PES1: variants seen among roughly 807,000 people sequenced by gnomAD.
The protein encoded by PES1 is pescadillo homolog.
PES1 carries 31 observed loss-of-function variants against 77.1 expected under a neutral mutation model. The ratio of observed to expected loss-of-function variants is 0.40; its 90% confidence interval spans 0.30 to 0.54. The LOEUF (loss-of-function observed/expected upper bound fraction) is 0.54. Ranked by LOEUF, PES1 falls within the 20% of genes least tolerant of loss-of-function variation. PES1 has a pLI of 0.45. For synonymous variants in PES1, 282 were observed against 303.0 expected (o/e 0.93, Z 0.72); for missense variants, 658 against 771.7 (o/e 0.85, Z 1.75).
chr22:30,594,830 A>T (rs1813025407), upstream of PES1, among the ~76,000 whole-genome samples: 1 of 152,130 alleles, frequency 6.6e-6, no homozygotes, highest in Admixed American at 6.5e-5. Context: ...ATTTTTAATT[A>T]GCTGGTGTGG....
chr22:30,598,462 C>CT (rs2087300422), intron 2 of PES1: 3 of 152,270 alleles, frequency 2.0e-5, no homozygotes, highest in Admixed American at 2.0e-4. Context: ...TTTTTTCACT[C>CT]TGTTTAGTAG....
In PES1 at chr22:30,576,874, A is replaced by G. The variant is rs1234119134; in HGVS notation, c.*172T>C. 1.6e-6 allele frequency: 1 copy of G among 622,140 alleles called. No individual in the cohort carries two copies. The highest frequency in any genetic ancestry group is 2.9e-6 in the Non-Finnish European group (1 of 348,158). 38.5% of individuals were successfully genotyped at this position (622,140 alleles called of 1,614,324 possible). On this transcript the variant is annotated 3_prime_UTR_variant, in exon 15 of 15. Transcript: ENST00000354694. Reference sequence around the variant, plus strand: ...GGCACCAGCAGGGCAGCTCCATCCAAGGGAAGCGAGGGCTGCCCACTGGCC... The same window carrying G: ...GGCACCAGCAGGGCAGCTCCATCCAGGGGAAGCGAGGGCTGCCCACTGGCC...
intron 4 of PES1, chr22:30,587,039 G>C: frequency 2.1e-6 from 1 of 480,438 alleles, no homozygotes; most frequent in East Asian, 3.9e-5. Flanking sequence ...CATGGCCTCT[G>C]CTTGGATTGT....
At chr22:30,585,148 G>A in intron 4 of PES1, 1 of 416,092 alleles carries the variant, frequency 2.4e-6, no homozygotes, top group Non-Finnish European at 5.0e-6. Flanking sequence ...CGGGGTGGGG[G>A]CTGCTTCCCC....
intron 5 of PES1, 33 bp from the exon 6 acceptor site, chr22:30,584,487 C>G (rs762504616): frequency 3.1e-6 from 5 of 1,609,706 alleles, no homozygotes; most frequent in Non-Finnish European, 4.2e-6. Flanking sequence ...TGGGTGAAGA[C>G]CATGGGGTGG....
upstream of PES1, among the ~76,000 whole-genome samples, chr22:30,595,239 G>A (rs974855753): frequency 5.9e-5 from 9 of 151,910 alleles, no homozygotes; most frequent in African/African-American, 2.2e-4. Context: ...CCTGCTTGAG[G>A]TTAAAGAACT....
At chr22:30,580,930 T>G (rs1340009698) in intron 9 of PES1, 82 bp downstream of exon 9, 1 of 1,268,562 alleles carries the variant, frequency 7.9e-7, no homozygotes, top group Non-Finnish European at 1.1e-6. Flanking sequence ...CACCTAATTA[T>G]AGGATGCAAA....
At chr22:30,606,940 G>A (rs1355389691) in exon 1 of PES1, 3 of 1,015,188 alleles carry the variant, frequency 3.0e-6, no homozygotes, top group Non-Finnish European at 3.7e-6. Context: ...CAGCTGGGGG[G>A]ACAGCAGACA....
At chr22:30,583,438 C>T (rs1038820718) in intron 6 of PES1, among the ~76,000 whole-genome samples, 10 of 152,206 alleles carry the variant, frequency 6.6e-5, no homozygotes, top group South Asian at 2.1e-4. Flanking sequence ...CTAACTGGAC[C>T]GGCAGCGGCT....
chr22:30,588,351 G>C (rs759330417), intron 2 of PES1, among the ~76,000 whole-genome samples, 177 bp from the exon 3 acceptor site: 1 of 152,146 alleles, frequency 6.6e-6, no homozygotes, highest in Admixed American at 6.5e-5. Flanking sequence ...ACGCAGACTT[G>C]CGAGTCTCTA....
intron 1 of PES1, chr22:30,606,806 C>T: frequency 1.0e-6 from 1 of 993,898 alleles, no homozygotes; most frequent in Non-Finnish European, 1.2e-6. Context: ...CAATGCTGCT[C>T]ACGTGACCAC....
At position 30,576,866 on chromosome 22, in the gene PES1, T is replaced by C; in HGVS notation, c.*180A>G. 1.6e-6 allele frequency: 1 copy of C among 612,304 alleles called. No individual in the cohort carries two copies. The highest frequency in any genetic ancestry group is 1.9e-5 in the South Asian group (1 of 51,686). The allele number at this position is 612,304 out of a possible 1,614,324, so 37.9% of individuals were successfully genotyped here. A position where few individuals can be genotyped will look rare whatever the true frequency, so the allele number is the denominator to read the frequency against. ...TCTGACCAGGCACCAGCAGGGCAGC[T>C]CCATCCAAGGGAAGCGAGGGCTGCC... On this transcript the variant is annotated 3_prime_UTR_variant, in exon 15 of 15. Transcript: ENST00000354694.
At chr22:30,604,827 C>T (rs2087412883) in intron 2 of PES1, among the ~76,000 whole-genome samples, 1 of 151,966 alleles carries the variant, frequency 6.6e-6, no homozygotes, top group African/African-American at 2.4e-5. Flanking sequence ...CCTGTAATCC[C>T]AGCTCTTTGG....
At chr22:30,581,504 G>A in intron 7 of PES1, 24 bp downstream of exon 7, 1 of 1,606,952 alleles carries the variant, frequency 6.2e-7, no homozygotes, top group Non-Finnish European at 8.5e-7. Context: ...ACGGCGAGCA[G>A]AAGGCACTGG....
intron 6 of PES1, chr22:30,584,124 C>G: frequency 3.6e-6 from 2 of 552,500 alleles, no homozygotes; most frequent in Non-Finnish European, 6.5e-6. Context: ...AACTGAGGCA[C>G]AGAGAGGTGA....
chr22:30,581,226 C>T (rs994364270), intron 8 of PES1, 108 bp downstream of exon 8: 7 of 1,374,206 alleles, frequency 5.1e-6, no homozygotes, highest in South Asian at 1.3e-5. Context: ...AGGCTGAGAC[C>T]ACCCACCTAG....
Position 30,576,641 on chromosome 22 carries a change from G to A in PES1, c.*405C>T, listed in dbSNP as rs535054747. On this transcript the variant is annotated 3_prime_UTR_variant, in exon 15 of 15. Coordinates refer to ENST00000354694, the MANE Select transcript of PES1 (RefSeq NM_014303.4). The stretch of plus-strand genomic sequence containing the variant: ...GACACAAAATGCAATTGGCACAAAA[G>A]TCCAGTCATTTAATAACAAATGCTC... The A allele has an allele frequency of 7.2e-5, 15 of 206,952 alleles. No individual in the cohort carries two copies. The highest frequency in any genetic ancestry group is 1.3e-4 in the Non-Finnish European group (13 of 102,248). The allele number at this position is 206,952 out of a possible 1,614,324, so 12.8% of individuals were successfully genotyped here.
Position 30,579,762 on chromosome 22 carries a change from C to G in PES1, c.1343G>C (p.Gly448Ala). 1.2e-6 allele frequency: 2 copies of G among 1,613,854 alleles called. No individual in the cohort carries two copies. The highest frequency in any genetic ancestry group is 1.7e-6 in the Non-Finnish European group (2 of 1,179,962). The stretch of plus-strand genomic sequence containing the variant: ...CCCATCCCGCTCACCTGGGTCCTCT[C>G]CCCGCTGCAGAGCCAGCAGCTTCAG... ...EKLKLLALQRGEDPGNLNESE... is the reference protein window; with the variant it reads ...EKLKLLALQRAEDPGNLNESE... Residue 448 changes from glycine to alanine, a missense_variant, in exon 12 of 15, where the codon GGA becomes GCA. By Grantham distance (60) the Gly-to-Ala change is moderately conservative. Coordinates refer to ENST00000354694, the MANE Select transcript of PES1 (RefSeq NM_014303.4).
chr22:30,606,150 T>C (rs1162040114), intron 1 of PES1, among the ~76,000 whole-genome samples: 1 of 152,104 alleles, frequency 6.6e-6, no homozygotes, highest in Non-Finnish European at 1.5e-5. Flanking sequence ...TTTGCAGAGA[T>C]TTTTTTTGAG....
Sources: allele counts gnomAD v4.1 joint callset (sites outside exome capture counted in the v4.1 genomes callset), GRCh38; gene constraint gnomAD v4.1.1; transcripts MANE v1.5; gene names NCBI Gene and HGNC (gene_info 2026-07-23, HGNC 2026-07-21).